The following CCDC62 variants were observed in gnomAD, a reference collection of about 807,000 sequenced individuals.
The protein encoded by CCDC62 is coiled-coil domain containing 62.
In CCDC62, 72 loss-of-function variants were observed where a neutral mutation model predicts 80.8. That is an observed-to-expected ratio of 0.89 (90% CI 0.74 to 1.08). The LOEUF (loss-of-function observed/expected upper bound fraction) is 1.08. CCDC62 is among the 50% of genes least tolerant of loss of function. The probability of loss-of-function intolerance (pLI) is 0.00; values close to 1 mark genes in which losing one functional copy is unlikely to be tolerated. For synonymous variants in CCDC62, 286 were observed against 296.5 expected, an observed-to-expected ratio of 0.96 and a Z score of 0.36; for missense variants, 704 against 809.4, an observed-to-expected ratio of 0.87 and a Z score of 1.58.
At chr12:122,812,773 G>GAAAGAAAGAAAGAAAGAAAGAA (rs1555257959) in intron 10 of CCDC62, among the ~76,000 whole-genome samples, 3 of 68,892 alleles carry the variant, frequency 4.4e-5, no homozygotes, top group South Asian at 1.1e-3. Flanking sequence ...GAGAGAGAGA[G>GAAAGAAAGAAAGAAAGAAAGAA]AGAGAGAAAG....
intron 4 of CCDC62, among the ~76,000 whole-genome samples, chr12:122,786,338 CG>C (rs2030230710): frequency 6.6e-6 from 1 of 151,746 alleles, no homozygotes; most frequent in African/African-American, 2.4e-5. Flanking sequence ...TTAGTAGAGA[CG>C]GGGTTTCACC....
At position 122,813,349 on chromosome 12, in the gene CCDC62, T is replaced by C. The variant is rs765465257; in HGVS notation, c.1931T>C (p.Met644Thr). ...LQRLLAESRQ[M>T]VTDLELSTLL... ...CGTTTGCTGGCGGAATCTCGTCAGA[T>C]GGTGACGGACCTGGAGCTGAGCACA... Residue 644 changes from methionine to threonine, a missense_variant, in exon 11 of 13, where the codon ATG becomes ACG. Coordinates refer to ENST00000253079, the MANE Select transcript of CCDC62 (RefSeq NM_201435.5). The C allele has an allele frequency of 1.1e-5, 18 of 1,613,922 alleles. No homozygotes were observed. The highest frequency in any genetic ancestry group is 1.4e-5 in the Non-Finnish European group (17 of 1,179,994).
chr12:122,774,882 G>A (rs1879318340), intron 1 of CCDC62, among the ~76,000 whole-genome samples, 176 bp downstream of exon 1: 1 of 151,712 alleles, frequency 6.6e-6, no homozygotes, highest in Admixed American at 6.6e-5. Context: ...GAGGTCAGGA[G>A]ATCGAGACCA....
At position 122,797,389 on chromosome 12, in the gene CCDC62, G is replaced by A; in HGVS notation, c.855G>A (p.Leu285=). Reference sequence around the variant, plus strand: ...GCACAAATTCAGAACTGCACAATCTGAGACAGGTATGTCCCCAATCATCCT... The same window carrying A: ...GCACAAATTCAGAACTGCACAATCTAAGACAGGTATGTCCCCAATCATCCT... The part of the protein sequence containing the change: ...QERTNSELHN[L]RQIYVKQQSD... Residue 285 remains leucine (L), a synonymous_variant, in exon 7 of 13, where the codon CTG becomes CTA. Transcript: ENST00000253079. The A allele has an allele frequency of 6.4e-7, 1 of 1,561,986 alleles. No individual in the cohort carries two copies. The highest frequency in any genetic ancestry group is 1.1e-5 in the South Asian group (1 of 89,932).
intron 2 of CCDC62, 121 bp downstream of exon 2, chr12:122,777,804 C>T (rs1879574096): frequency 5.7e-6 from 5 of 873,086 alleles, no homozygotes; most frequent in Non-Finnish European, 7.0e-6. Flanking sequence ...AGTTTAGGCT[C>T]ATTGGAGACA....
At chr12:122,781,072 C>T in intron 2 of CCDC62, 92 bp from the exon 3 acceptor site, 4 of 939,776 alleles carry the variant, frequency 4.3e-6, no homozygotes, top group East Asian at 5.0e-5. Context: ...TAAAAATTCT[C>T]TACCACATTT....
At chr12:122,797,475 C>T (rs566681320) in intron 7 of CCDC62, 80 bp downstream of exon 7, 14 of 753,442 alleles carry the variant, frequency 1.9e-5, no homozygotes, top group Non-Finnish European at 3.3e-5. Flanking sequence ...GTATGCCCGT[C>T]GATTTTGTTT....
chr12:122,808,765 A>T (rs2031733799), intron 10 of CCDC62, among the ~76,000 whole-genome samples: 1 of 152,080 alleles, frequency 6.6e-6, no homozygotes. Flanking sequence ...TACCTCAAGC[A>T]ATCCTCCTGC....
At position 122,785,712 on chromosome 12, in the gene CCDC62, C is replaced by G. The variant is rs765176568; in HGVS notation, c.397-7C>G. On this transcript the variant is annotated splice_polypyrimidine_tract_variant and splice_region_variant and intron_variant, in intron 3 of 12. Transcript: ENST00000253079. ...CAAGCAGTATCATCTGTGTTGTTTTCTTGTAGGCTAGAAACGAAACTCTCA... is the reference window on the plus strand; with the variant it reads ...CAAGCAGTATCATCTGTGTTGTTTTGTTGTAGGCTAGAAACGAAACTCTCA... 3.8e-6 allele frequency: 6 copies of G among 1,599,744 alleles called. No homozygotes were observed. In the East Asian group the frequency reaches 8.9e-5, roughly 24 times the overall value.
At chr12:122,776,051 C>T (rs1879433938) in intron 1 of CCDC62, among the ~76,000 whole-genome samples, 1 of 152,292 alleles carries the variant, frequency 6.6e-6, no homozygotes, top group South Asian at 2.1e-4. Context: ...ATTTCATAGG[C>T]AGGGACAGCA....
At position 122,827,321 on chromosome 12, in the gene CCDC62, T is replaced by C. The variant is rs2032674352; in HGVS notation, c.*940T>C. 6.6e-6 allele frequency: 1 copy of C among 152,156 alleles called. No homozygotes were observed. Among genetic ancestry groups the C allele is most frequent in the Admixed American group, 6.5e-5 (1 of 15,268 alleles). 9.4% of individuals were successfully genotyped at this position (152,156 alleles called of 1,614,324 possible). On this transcript the variant is annotated 3_prime_UTR_variant, in exon 13 of 13. Transcript: ENST00000253079. Reference sequence around the variant, plus strand: ...TAATTTCCTCAGGAATGGGGATGTATTTTTTTAAGCATTGCAGATATCAAA... The same window carrying C: ...TAATTTCCTCAGGAATGGGGATGTACTTTTTTAAGCATTGCAGATATCAAA...
intron 11 of CCDC62, among the ~76,000 whole-genome samples, chr12:122,817,253 G>C (rs1189320801): frequency 6.7e-6 from 1 of 150,094 alleles, no homozygotes; most frequent in African/African-American, 2.5e-5. Context: ...GTAGAGATGG[G>C]GTTTCACCAT....
intron 11 of CCDC62, among the ~76,000 whole-genome samples, chr12:122,813,749 C>T (rs747621135): frequency 3.7e-4 from 57 of 152,138 alleles, no homozygotes; most frequent in African/African-American, 1.3e-3. Flanking sequence ...CTCCACCTCC[C>T]GGGTTCAAGT....
intron 3 of CCDC62, among the ~76,000 whole-genome samples, chr12:122,783,478 G>C (rs879174876): frequency 2.0e-5 from 3 of 152,010 alleles, no homozygotes; most frequent in African/African-American, 4.8e-5. Flanking sequence ...TGCCCGCCTC[G>C]GCCTCCCAAA....
At chr12:122,813,138 CTG>C in intron 10 of CCDC62, 130 bp from the exon 11 acceptor site, 1 of 893,222 alleles carries the variant, frequency 1.1e-6, no homozygotes, top group South Asian at 1.7e-5. Flanking sequence ...AGGCAATCAG[CTG>C]TGATTGTGCC....
chr12:122,798,794 A>G (rs2031121218), intron 8 of CCDC62, among the ~76,000 whole-genome samples: 1 of 150,476 alleles, frequency 6.6e-6, no homozygotes. Context: ...AAAATAAATA[A>G]ATAGGCCTGG....
chr12:122,797,187 A>G (rs2031014550), intron 6 of CCDC62, 120 bp from the exon 7 acceptor site: 2 of 587,016 alleles, frequency 3.4e-6, no homozygotes, highest in Admixed American at 2.7e-5. Context: ...CCATTCTGCT[A>G]TTTTTAAGTA....
Position 122,801,517 on chromosome 12 carries a change from T to C in CCDC62, c.1371T>C (p.Asp457=). 1 of 1,614,090 alleles carries C rather than the reference T, an allele frequency of 6.2e-7. No individual in the cohort carries two copies. Among genetic ancestry groups the C allele is most frequent in the Non-Finnish European group, 8.5e-7 (1 of 1,179,998 alleles). Reference sequence around the variant, plus strand: ...CCTCAGAAACACCCACTTTATCTGATGAGAAGCAGTGGCATGATGTCAGTG... The same window carrying C: ...CCTCAGAAACACCCACTTTATCTGACGAGAAGCAGTGGCATGATGTCAGTG... The part of the protein sequence containing the change: ...KQPSETPTLS[D]EKQWHDVSVY... The change falls in exon 9 of 13, where the codon GAT becomes GAC. Residue 457 remains aspartate (D), a synonymous_variant. Transcript: ENST00000253079.
intron 2 of CCDC62, 131 bp from the exon 3 acceptor site, chr12:122,781,033 T>A (rs899578894): frequency 3.0e-6 from 2 of 669,318 alleles, no homozygotes; most frequent in Non-Finnish European, 5.0e-6. Context: ...CATTTCATAA[T>A]AAAAGGTTTT....
Sources: gnomAD v4.1 joint callset for allele counts (sites outside exome capture counted in the v4.1 genomes callset) on GRCh38, gnomAD v4.1.1 for gene constraint, MANE v1.5 for transcripts, NCBI Gene and HGNC (gene_info 2026-07-23, HGNC 2026-07-21) for gene names.